The following CACNA1A variants were observed in gnomAD, a reference collection of about 807,000 sequenced individuals.
CACNA1A encodes the protein calcium voltage-gated channel subunit alpha1 A.
A neutral mutation model predicts 262.4 loss-of-function variants in CACNA1A; 57 were observed. The ratio of observed to expected loss-of-function variants is 0.22; its 90% CI spans 0.18 to 0.27. The LOEUF is 0.27. Among genes scored for constraint, CACNA1A ranks in the 10% least tolerant of loss-of-function variants. CACNA1A has a pLI of 1.00. For missense variants in CACNA1A, 2,526 were observed against 3,562.8 expected (o/e 0.71, Z 7.41); for synonymous variants, 1,431 against 1,419.3 (o/e 1.01, Z -0.18).
At chr19:13,449,751 C>A (rs8102726) in intron 3 of CACNA1A, among the ~76,000 whole-genome samples, 1 of 152,102 alleles carries the variant, frequency 6.6e-6, no homozygotes, top group African/African-American at 2.4e-5. Flanking sequence ...TACATAAATG[C>A]AAATAATAAA....
At chr19:13,402,288 A>G (rs532748123) in intron 3 of CACNA1A, among the ~76,000 whole-genome samples, 33 of 152,302 alleles carry the variant, frequency 2.2e-4, no homozygotes, top group African/African-American at 7.7e-4. Flanking sequence ...TTTGATACAG[A>G]AACAAGAAGG....
At chr19:13,376,522 G>A (rs1341771717) in intron 3 of CACNA1A, among the ~76,000 whole-genome samples, 1 of 150,632 alleles carries the variant, frequency 6.6e-6, no homozygotes, top group East Asian at 1.9e-4. Context: ...GCCCACTGTT[G>A]AGATCTACTC....
chr19:13,427,453 A>AAAATAAAG (rs2060423038), intron 3 of CACNA1A, among the ~76,000 whole-genome samples: 1 of 136,186 alleles, frequency 7.3e-6, no homozygotes, highest in Admixed American at 7.6e-5. Flanking sequence ...ACTCCATCTC[A>AAAATAAAG]AAATAAATAA....
At chr19:13,350,289 G>A (rs995222428) in intron 6 of CACNA1A, among the ~76,000 whole-genome samples, 1 of 152,142 alleles carries the variant, frequency 6.6e-6, no homozygotes, top group African/African-American at 2.4e-5. Flanking sequence ...GCCAGACACG[G>A]ATGGTGAGAA....
chr19:13,300,422 G>A lies in CACNA1A; in HGVS notation c.2279+128C>T, dbSNP rs978227329. On this transcript the variant is annotated intron_variant, in intron 18 of 46. Transcript: ENST00000360228. ...TTTATTGAGTGAAAGTGGGTGGAAG[G>A]ACAAGAAGTGTCTCTTCCTAAAGCT... is the stretch of plus-strand genomic sequence containing the variant. The A allele has an allele frequency of 2.3e-5, 16 of 685,156 alleles. No individual in the cohort carries two copies. The African/African-American group carries it at 2.7e-4, about 11-fold the overall frequency. 42.4% of individuals were successfully genotyped at this position (685,156 alleles called of 1,614,324 possible).
In CACNA1A at chr19:13,235,206, C is replaced by G. The variant is rs1320790447; in HGVS notation, c.5133+3G>C. 1 of 1,606,738 alleles carries G rather than the reference C, an allele frequency of 6.2e-7. No homozygotes were observed. The highest frequency in any genetic ancestry group is 1.3e-5 in the African/African-American group (1 of 74,918). ...CTGGGAACCTTAGGGACACGACACT[C>G]ACCTGCATCCCAATGATGGCATAGA... On this transcript the variant is annotated splice_donor_region_variant and intron_variant, in intron 33 of 46. Coordinates refer to ENST00000360228, the MANE Select transcript of CACNA1A (RefSeq NM_001127222.2).
At chr19:13,226,711 C>T (rs970817895) in intron 37 of CACNA1A, among the ~76,000 whole-genome samples, 1 of 152,176 alleles carries the variant, frequency 6.6e-6, no homozygotes, top group African/African-American at 2.4e-5. Context: ...GGTGCCTGCC[C>T]GCCCCAGGCC....
chr19:13,296,859 C>T (rs1263084655), intron 19 of CACNA1A, among the ~76,000 whole-genome samples: 1 of 152,096 alleles, frequency 6.6e-6, no homozygotes, highest in East Asian at 1.9e-4. Flanking sequence ...TCCTGGGCTC[C>T]AGTGACCCTC....
chr19:13,259,769 TCAGAGACAGGGG>T, intron 26 of CACNA1A, 68 bp from the exon 27 acceptor site: 1 of 1,549,772 alleles, frequency 6.5e-7, no homozygotes, highest in Non-Finnish European at 8.8e-7. Flanking sequence ...TCTTTGGTTA[TCAGAGACAGGGG>T]GAGGGAAAGG....
At chr19:13,292,016 C>T (rs1336970167) in intron 19 of CACNA1A, among the ~76,000 whole-genome samples, 4 of 152,096 alleles carry the variant, frequency 2.6e-5, no homozygotes, top group African/African-American at 9.7e-5. Flanking sequence ...TAGAGTGGAG[C>T]AGGTCTTGGC....
At position 13,231,894 on chromosome 19, in the gene CACNA1A, C is replaced by G. The variant is rs374442062; in HGVS notation, c.5250-34G>C. Reference sequence around the variant, plus strand: ...AGGGAGAAATCAGAGACTCGGACACCCAGCCCTGACTGGGTACCAACGCCT... The same window carrying G: ...AGGGAGAAATCAGAGACTCGGACACGCAGCCCTGACTGGGTACCAACGCCT... On this transcript the variant is annotated intron_variant, in intron 34 of 46. Coordinates refer to ENST00000360228, the MANE Select transcript of CACNA1A (RefSeq NM_001127222.2). The G allele has an allele frequency of 1.9e-6, 3 of 1,597,966 alleles. No homozygotes were observed. The African/African-American group carries it at 4.0e-5, about 21-fold the overall frequency.
intron 23 of CACNA1A, among the ~76,000 whole-genome samples, chr19:13,276,251 A>G (rs567598711): frequency 6.6e-6 from 1 of 152,324 alleles, no homozygotes; most frequent in East Asian, 1.9e-4. Context: ...CTCTATCAGC[A>G]AAACTCACTG....
intron 9 of CACNA1A, among the ~76,000 whole-genome samples, chr19:13,332,401 AT>A (rs2058482735): frequency 6.6e-6 from 1 of 151,908 alleles, no homozygotes; most frequent in Non-Finnish European, 1.5e-5. Flanking sequence ...CTCTGTCTCA[AT>A]TAAAAAAAAA....
chr19:13,471,580 A>T (rs1014581119), intron 1 of CACNA1A, among the ~76,000 whole-genome samples: 1 of 152,106 alleles, frequency 6.6e-6, no homozygotes, highest in Non-Finnish European at 1.5e-5. Flanking sequence ...CCACAGAAAT[A>T]TCTATAATCT....
At chr19:13,448,082 G>GAAAA (rs36078876) in intron 3 of CACNA1A, among the ~76,000 whole-genome samples, 2 of 122,218 alleles carry the variant, frequency 1.6e-5, no homozygotes, top group South Asian at 5.2e-4. Context: ...GTGTTATTAT[G>GAAAA]AAAAAAAAAA....
chr19:13,437,127 C>T (rs367819653), intron 3 of CACNA1A, among the ~76,000 whole-genome samples: 2 of 152,134 alleles, frequency 1.3e-5, no homozygotes, highest in Non-Finnish European at 2.9e-5. Context: ...AGAAGCTGCT[C>T]GTGGAGAAGG....
intron 6 of CACNA1A, among the ~76,000 whole-genome samples, chr19:13,341,009 C>A (rs1397995430): frequency 1.3e-5 from 2 of 152,082 alleles, no homozygotes; most frequent in Non-Finnish European, 2.9e-5. Context: ...GAGTTTGAGG[C>A]TGTAGTGAGC....
intron 34 of CACNA1A, among the ~76,000 whole-genome samples, chr19:13,232,063 G>GA (rs1431667179): frequency 6.6e-6 from 1 of 152,118 alleles, no homozygotes; most frequent in Non-Finnish European, 1.5e-5. Flanking sequence ...AGAGAGCTTT[G>GA]AAAAAATACC....
intron 6 of CACNA1A, among the ~76,000 whole-genome samples, chr19:13,345,122 A>AT (rs1568555387): frequency 6.6e-6 from 1 of 151,992 alleles, no homozygotes; most frequent in Non-Finnish European, 1.5e-5. Context: ...TGATTAAGCT[A>AT]TTTTTCTGGG....
Sources: gnomAD v4.1 joint callset for allele counts (sites outside exome capture counted in the v4.1 genomes callset) on GRCh38, gnomAD v4.1.1 for gene constraint, MANE v1.5 for transcripts, NCBI Gene and HGNC (gene_info 2026-07-23, HGNC 2026-07-21) for gene names.